SYN3: variants seen among roughly 807,000 people sequenced by gnomAD.
The protein encoded by SYN3 is synapsin-3.
In SYN3, 35 loss-of-function variants were observed where a neutral mutation model predicts 65.8. That is an observed-to-expected ratio of 0.53 (90% CI 0.41 to 0.70). SYN3 has a LOEUF of 0.70. SYN3 is among the 30% of genes least tolerant of loss of function. SYN3 has a pLI of 0.00. For synonymous variants in SYN3, 270 were observed against 292.9 expected, an observed-to-expected ratio of 0.92 and a Z score of 0.80; for missense variants, 680 against 749.0, an observed-to-expected ratio of 0.91 and a Z score of 1.08.
At chr22:32,681,096 G>A (rs1427997815) in intron 6 of SYN3, among the ~76,000 whole-genome samples, 1 of 151,048 alleles carries the variant, frequency 6.6e-6, no homozygotes, top group African/African-American at 2.4e-5. Context: ...GGCAAGAAGG[G>A]TGATGTAGCT....
chr22:32,641,601 CCATCTCAAAA>C (rs1391903271), intron 6 of SYN3, among the ~76,000 whole-genome samples: 3 of 114,070 alleles, frequency 2.6e-5, no homozygotes, highest in Admixed American at 8.5e-5. Flanking sequence ...GAGCAAGACT[CCATCTCAAAA>C]AAAAAAAAAA....
Position 32,938,424 on chromosome 22 carries a change from G to A in SYN3, c.370-6943C>T, listed in dbSNP as rs571859961. Among the ~76,000 whole-genome samples the A allele has an allele frequency of 1.2e-4, 18 of 151,928 alleles. No individual in the cohort carries two copies. The South Asian group carries it at 3.8e-3, about 32-fold the overall frequency. On this transcript the variant is annotated intron_variant, in intron 3 of 13. Coordinates refer to ENST00000358763, the MANE Select transcript of SYN3 (RefSeq NM_003490.4). Reference sequence around the variant, plus strand: ...GGGTGTCTGTAGTTCCAGCTACTCGGGAGGCTGAGACAGGAGAATCGCATG... The same window carrying A: ...GGGTGTCTGTAGTTCCAGCTACTCGAGAGGCTGAGACAGGAGAATCGCATG...
chr22:32,913,394 G>A (rs747194693), intron 4 of SYN3, among the ~76,000 whole-genome samples: 2 of 151,784 alleles, frequency 1.3e-5, no homozygotes, highest in Non-Finnish European at 1.5e-5. Context: ...TCCTGACCTC[G>A]TGATCCGCCC....
chr22:32,656,077 T>C (rs1256795029), intron 6 of SYN3, among the ~76,000 whole-genome samples: 3 of 152,326 alleles, frequency 2.0e-5, no homozygotes, highest in East Asian at 1.9e-4. Context: ...TGCTGTGTGG[T>C]AGATGCACAA....
intron 6 of SYN3, among the ~76,000 whole-genome samples, chr22:32,691,604 T>C (rs1003408911): frequency 1.1e-4 from 16 of 151,894 alleles, no homozygotes; most frequent in African/African-American, 3.1e-4. Flanking sequence ...AAGACTGGGA[T>C]TGGGAGACTT....
intron 6 of SYN3, among the ~76,000 whole-genome samples, chr22:32,726,350 C>T (rs4821090): frequency 0.53 from 80,069 of 152,022 alleles, 21,637 homozygotes; most frequent in Non-Finnish European, 0.58. Context: ...ACCATGTTGG[C>T]CAGGATGTTC....
chr22:32,922,644 C>T (rs907329202), intron 4 of SYN3, among the ~76,000 whole-genome samples: 2 of 152,044 alleles, frequency 1.3e-5, no homozygotes, highest in African/African-American at 4.8e-5. Context: ...AGATTGTTCA[C>T]TCAAGGAGAG....
intron 6 of SYN3, chr22:32,833,699 T>C (rs242077): frequency 0.58 from 259,469 of 449,510 alleles, 75,828 homozygotes; most frequent in Admixed American, 0.69. Context: ...TGGCATGCTA[T>C]GTCCACCACT....
At position 32,864,899 on chromosome 22, in the gene SYN3, A is replaced by G. The variant is rs201222710; in HGVS notation, c.711+16T>C. ...TCCGCATCATGCAAAGAAACAGAGT[A>G]AAAAAGGGCACTCACCATTGGCTTA... is the stretch of plus-strand genomic sequence containing the variant. On this transcript the variant is annotated intron_variant, in intron 6 of 13. Coordinates refer to ENST00000358763, the MANE Select transcript of SYN3 (RefSeq NM_003490.4). 1.2e-4 allele frequency: 197 copies of G among 1,608,194 alleles called. No individual in the cohort carries two copies. Among genetic ancestry groups the G allele is most frequent in the Middle Eastern group, 1.7e-4 (1 of 6,050 alleles).
intron 6 of SYN3, among the ~76,000 whole-genome samples, chr22:32,639,014 C>T (rs1425711131): frequency 1.3e-5 from 2 of 152,032 alleles, no homozygotes; most frequent in Non-Finnish European, 2.9e-5. Context: ...AGTGCAGTGG[C>T]GCGATCTCAG....
At chr22:32,606,926 G>T (rs967694544) in intron 6 of SYN3, among the ~76,000 whole-genome samples, 2 of 151,668 alleles carry the variant, frequency 1.3e-5, no homozygotes, top group African/African-American at 4.9e-5. Flanking sequence ...TGTTACATAT[G>T]TATACATGTG....
chr22:32,622,767 A>G (rs937435741), intron 6 of SYN3, among the ~76,000 whole-genome samples: 2 of 151,618 alleles, frequency 1.3e-5, no homozygotes, highest in African/African-American at 4.8e-5. Context: ...CTAGTGAGGA[A>G]TTGGATTTTT....
In SYN3 at chr22:32,840,102, G is replaced by T. The variant is rs142749332; in HGVS notation, c.711+24813C>A. On this transcript the variant is annotated intron_variant, in intron 6 of 13. Coordinates refer to ENST00000358763, the MANE Select transcript of SYN3 (RefSeq NM_003490.4). The stretch of plus-strand genomic sequence containing the variant: ...GAAACAGGAATCTCTGGGCAGGGAG[G>T]TTTTCATATCCTCCAGGTTTAATAG... Among the ~76,000 whole-genome samples, 995 of 152,200 alleles carry T rather than the reference G, an allele frequency of 6.5e-3. 5 individuals are homozygous for T. The highest frequency in any genetic ancestry group is 0.022 in the African/African-American group (916 of 41,520).
chr22:32,544,310 T>C (rs752807834), intron 7 of SYN3, among the ~76,000 whole-genome samples: 4 of 152,232 alleles, frequency 2.6e-5, no homozygotes, highest in African/African-American at 7.2e-5. Context: ...TTGCTTTTCA[T>C]TGATTCTTTA....
intron 4 of SYN3, among the ~76,000 whole-genome samples, chr22:32,895,408 A>G (rs1489976345): frequency 1.3e-5 from 2 of 152,162 alleles, no homozygotes; most frequent in Non-Finnish European, 2.9e-5. Context: ...ACATCTATCT[A>G]TCTATTTATC....
chr22:32,859,398 T>C, intron 6 of SYN3: 1 of 1,601,398 alleles, frequency 6.2e-7, no homozygotes, highest in South Asian at 1.1e-5. Flanking sequence ...CTGCCCCACC[T>C]CACTTCCCTC....
In SYN3 at chr22:32,618,269, T is replaced by C. The variant is rs114422675; in HGVS notation, c.712-21533A>G. Among the ~76,000 whole-genome samples, 587 of 152,202 alleles carry C rather than the reference T, an allele frequency of 3.9e-3. 2 individuals are homozygous for C. The highest frequency in any genetic ancestry group is 0.014 in the African/African-American group (572 of 41,532). ...CTCGTGTGAAATTGTAGGAAACTGA[T>C]GCCTGAGTGGGGCGAGGAGGGTTCA... On this transcript the variant is annotated intron_variant, in intron 6 of 13. Transcript: ENST00000358763.
intron 6 of SYN3, chr22:32,857,278 T>C: frequency 1.2e-6 from 2 of 1,614,086 alleles, no homozygotes; most frequent in East Asian, 2.2e-5. Context: ...AGATGCCCCA[T>C]GTGCAGTACA....
At chr22:32,976,857 C>A (rs2052205925) in intron 3 of SYN3, among the ~76,000 whole-genome samples, 1 of 152,144 alleles carries the variant, frequency 6.6e-6, no homozygotes, top group Non-Finnish European at 1.5e-5. Flanking sequence ...TCCAGCAAAA[C>A]CCAGACAGTG....
Sources: allele counts gnomAD v4.1 joint callset (sites outside exome capture counted in the v4.1 genomes callset), GRCh38; gene constraint gnomAD v4.1.1; transcripts MANE v1.5; gene names NCBI Gene and HGNC (gene_info 2026-07-23, HGNC 2026-07-21).